The following TWF2 variants were observed in gnomAD, a reference collection of about 807,000 sequenced individuals.
The protein encoded by TWF2 is twinfilin actin binding protein 2.
A neutral mutation model predicts 45.1 loss-of-function variants in TWF2; 15 were observed. That is an observed-to-expected ratio of 0.33 (90% CI 0.22 to 0.51). TWF2 has a LOEUF of 0.51. Ranked by LOEUF, TWF2 falls within the 20% of genes least tolerant of loss-of-function variation. TWF2 has a pLI of 0.97. For synonymous variants in TWF2, 177 were observed against 195.8 expected, an observed-to-expected ratio of 0.90 and a Z score of 0.80; for missense variants, 423 against 469.1, an observed-to-expected ratio of 0.90 and a Z score of 0.91.
At chr3:52,234,753 A>T (rs1382259622) in intron 2 of TWF2, among the ~76,000 whole-genome samples, 1 of 152,200 alleles carries the variant, frequency 6.6e-6, no homozygotes, top group East Asian at 1.9e-4. Flanking sequence ...CCATCTGAAT[A>T]TCCATGCAGC....
At chr3:52,233,945 G>T (rs1249426016) in intron 2 of TWF2, among the ~76,000 whole-genome samples, 1 of 151,126 alleles carries the variant, frequency 6.6e-6, no homozygotes, top group Admixed American at 6.6e-5. Context: ...AATCTGCAGG[G>T]ACATCTTGTC....
chr3:52,235,921 G>A (rs1282477154), intron 1 of TWF2, among the ~76,000 whole-genome samples: 2 of 152,186 alleles, frequency 1.3e-5, no homozygotes, highest in Non-Finnish European at 1.5e-5. Flanking sequence ...ACAGCCCTGT[G>A]GGGGGTGGGG....
rs891851238 is a variant in TWF2, at chr3:52,237,705, G to A, written c.25+1287C>T. 5.3e-5 allele frequency among the ~76,000 whole-genome samples: 8 copies of A among 152,224 alleles called. No homozygotes were observed. In the East Asian group the frequency reaches 1.5e-3, roughly 29 times the overall value. On this transcript the variant is annotated intron_variant, in intron 1 of 8. Coordinates refer to ENST00000305533, the MANE Select transcript of TWF2 (RefSeq NM_007284.4). The stretch of plus-strand genomic sequence containing the variant: ...CCTGTGGGGCTGAGTCATGAAGCCT[G>A]CCCGCCAGCTCCTCCTGGAGAAAGG...
Position 52,231,951 on chromosome 3 carries a change from T to C in TWF2, c.275A>G (p.Asn92Ser). 1 of 1,612,188 alleles carries C rather than the reference T, an allele frequency of 6.2e-7. No individual in the cohort carries two copies. Among genetic ancestry groups the C allele is most frequent in the Non-Finnish European group, 8.5e-7 (1 of 1,179,044 alleles). The change falls in exon 3 of 9, where the codon AAC becomes AGC. Residue 92 changes from asparagine to serine, a missense_variant. Coordinates refer to ENST00000305533, the MANE Select transcript of TWF2 (RefSeq NM_007284.4). ...EWLFLAWSPD[N>S]SPVRLKMLYA... ...CACTGGCCCAGGACTCACGGGGGAG[T>C]TATCAGGCGACCAGGCGAGGAAGAG...
In TWF2 at chr3:52,229,697, G is replaced by C. The variant is rs758769541; in HGVS notation, c.846C>G (p.Ser282=). The C allele has an allele frequency of 2.4e-5, 39 of 1,613,450 alleles. No individual in the cohort carries two copies. The highest frequency in any genetic ancestry group is 3.3e-5 in the Non-Finnish European group (39 of 1,180,016). The part of the protein sequence containing the change: ...YSSCKSRLLD[S]VEQDFHLEIA... ...TCTCCAGATGGAAGTCCTGCTCCAC[G>C]GAGTCGAGGAGGCGGCTCTTGCAGC... is the stretch of plus-strand genomic sequence containing the variant. Residue 282 remains serine (S), a synonymous_variant, in exon 8 of 9, where the codon TCC becomes TCG. Coordinates refer to ENST00000305533, the MANE Select transcript of TWF2 (RefSeq NM_007284.4).
chr3:52,229,297 A>T, intron 8 of TWF2, 96 bp from the exon 9 acceptor site: 1 of 1,494,880 alleles, frequency 6.7e-7, no homozygotes, highest in East Asian at 2.4e-5. Flanking sequence ...TTACTCTCAC[A>T]TCCTAGCCCT....
rs1053612196 is a variant in TWF2 at position 52,239,139 on chromosome 3, C to G, written c.-123G>C. The G allele has an allele frequency of 1.5e-6, 2 of 1,294,922 alleles. No homozygotes were observed. The highest frequency in any genetic ancestry group is 2.0e-6 in the Non-Finnish European group (2 of 1,005,272). 80.2% of individuals were successfully genotyped at this position (1,294,922 alleles called of 1,614,324 possible). A position where few individuals can be genotyped will look rare whatever the true frequency, so the allele number is the denominator to read the frequency against. ...GGCTGTCGACCCTCGCGCAGCTTCC[C>G]GGGCGGTGCCGCAGGACCCGCCCCC... On this transcript the variant is annotated 5_prime_UTR_variant, in exon 1 of 9. Coordinates refer to ENST00000305533, the MANE Select transcript of TWF2 (RefSeq NM_007284.4).
chr3:52,231,304 C>T (rs887267330), intron 4 of TWF2, 73 bp from the exon 5 acceptor site: 8 of 1,586,578 alleles, frequency 5.0e-6, no homozygotes, highest in Non-Finnish European at 6.9e-6. Flanking sequence ...CCACGGAGCA[C>T]GCCAGCTTGC....
chr3:52,238,200 C>G (rs1699744940), intron 1 of TWF2, among the ~76,000 whole-genome samples: 2 of 152,304 alleles, frequency 1.3e-5, no homozygotes, highest in Admixed American at 1.3e-4. Context: ...CATATCTGGA[C>G]CTCTTCTCTG....
intron 1 of TWF2, among the ~76,000 whole-genome samples, chr3:52,238,158 T>C (rs984667479): frequency 4.6e-5 from 7 of 152,086 alleles, no homozygotes; most frequent in Non-Finnish European, 1.0e-4. Flanking sequence ...TGGCCTGGAT[T>C]CTTTAGGGCC....
Position 52,237,053 on chromosome 3 carries a change from T to C in TWF2, c.25+1939A>G, listed in dbSNP as rs535894029. 3.3e-5 allele frequency among the ~76,000 whole-genome samples: 5 copies of C among 152,318 alleles called. No homozygotes were observed. The East Asian group carries it at 9.6e-4, about 29-fold the overall frequency. On this transcript the variant is annotated intron_variant, in intron 1 of 8. Coordinates refer to ENST00000305533, the MANE Select transcript of TWF2 (RefSeq NM_007284.4). Reference sequence around the variant, plus strand: ...ATTAATAACAATTAATCTTTTATTATGATAATAACAGCAAGCTGACTGTGC... The same window carrying C: ...ATTAATAACAATTAATCTTTTATTACGATAATAACAGCAAGCTGACTGTGC...
intron 7 of TWF2, 68 bp from the exon 8 acceptor site, chr3:52,229,850 C>T: frequency 6.3e-7 from 1 of 1,595,484 alleles, no homozygotes; most frequent in Non-Finnish European, 8.6e-7. Context: ...CCAGAGCAGG[C>T]CTGCCCCACT....
chr3:52,233,732 T>C (rs1046427218), intron 2 of TWF2, among the ~76,000 whole-genome samples: 19 of 152,110 alleles, frequency 1.2e-4, no homozygotes, highest in Admixed American at 1.2e-3. Context: ...ATTGAGACCA[T>C]GGTGAAACCC....
chr3:52,230,036 A>G lies in TWF2; in HGVS notation c.644T>C (p.Val215Ala). 1 of 1,607,766 alleles carries G rather than the reference A, an allele frequency of 6.2e-7. No individual in the cohort carries two copies. The highest frequency in any genetic ancestry group is 8.5e-7 in the Non-Finnish European group (1 of 1,178,566). Residue 215 changes from valine to alanine, a missense_variant, in exon 7 of 9, where the codon GTG becomes GCG. Transcript: ENST00000305533. ...GGCCACATCCGTGGGCTCTGTGTGC[A>G]CCAGCTCAATGGTTTCCCGCTCTAG... ...LDLERETIEL[V>A]HTEPTDVAQL...
chr3:52,230,269 C>A (rs1215704159), intron 6 of TWF2, among the ~76,000 whole-genome samples, 199 bp from the exon 7 acceptor site: 1 of 152,232 alleles, frequency 6.6e-6, no homozygotes, highest in Non-Finnish European at 1.5e-5. Flanking sequence ...CCCAACTCTG[C>A]CCCTTTGAAG....
chr3:52,238,117 CT>C (rs1461215514), intron 1 of TWF2, among the ~76,000 whole-genome samples: 3 of 152,104 alleles, frequency 2.0e-5, no homozygotes, highest in African/African-American at 7.2e-5. Context: ...AATGGTGAAG[CT>C]TCCTAGGGCT....
Position 52,231,450 on chromosome 3 carries a change from A to T in TWF2, c.372T>A (p.Thr124=). Reference sequence around the variant, plus strand: ...AGTCCTGGCTTAGGATTACCTTCACAGTCCCGAAGAGCTCATCCTTGATGT... The same window carrying T: ...AGTCCTGGCTTAGGATTACCTTCACTGTCCCGAAGAGCTCATCCTTGATGT... ...GGHIKDELFG[T]VKDDLSFAGY... Residue 124 remains threonine, a synonymous_variant, in exon 4 of 9, where the codon ACT becomes ACA. Transcript: ENST00000305533. The T allele has an allele frequency of 6.2e-7, 1 of 1,613,842 alleles. No homozygotes were observed. Among genetic ancestry groups the T allele is most frequent in the Non-Finnish European group, 8.5e-7 (1 of 1,179,858 alleles).
At chr3:52,231,731 C>A (rs184930363) in intron 3 of TWF2, among the ~76,000 whole-genome samples, 192 bp from the exon 4 acceptor site, 11 of 152,336 alleles carry the variant, frequency 7.2e-5, no homozygotes, top group Admixed American at 6.5e-4. Flanking sequence ...TCACAGCCTC[C>A]GGAGCCAGGC....
chr3:52,233,704 G>A (rs571233413), intron 2 of TWF2, among the ~76,000 whole-genome samples: 5 of 152,094 alleles, frequency 3.3e-5, no homozygotes, highest in African/African-American at 7.2e-5. Context: ...CGAGGTGGGC[G>A]GATCACGAAG....
Sources: allele counts gnomAD v4.1 joint callset (sites outside exome capture counted in the v4.1 genomes callset), GRCh38; gene constraint gnomAD v4.1.1; transcripts MANE v1.5; gene names NCBI Gene and HGNC (gene_info 2026-07-23, HGNC 2026-07-21).